Variants in SLC13A3 observed in about 807,000 individuals in gnomAD.
SLC13A3 encodes solute carrier family 13 member 3, also known as Na(+)/dicarboxylate cotransporter 3.
A neutral mutation model predicts 59.0 loss-of-function variants in SLC13A3; 40 were observed. The observed-to-expected ratio is 0.68, with a 90% CI of 0.53 to 0.88. The LOEUF (loss-of-function observed/expected upper bound fraction) is 0.88, where lower values mean the gene tolerates loss of function less well. SLC13A3 is among the 40% of genes least tolerant of loss of function. The pLI is 0.00. For missense variants in SLC13A3, 699 were observed against 783.2 expected, an observed-to-expected ratio of 0.89 and a Z score of 1.28; for synonymous variants, 317 against 330.3, an observed-to-expected ratio of 0.96 and a Z score of 0.44.
At chr20:46,601,045 G>T (rs1302052966) in intron 3 of SLC13A3, among the ~76,000 whole-genome samples, 2 of 152,062 alleles carry the variant, frequency 1.3e-5, no homozygotes. Flanking sequence ...CGGCAGTAAG[G>T]AGGTGCTTGG....
At chr20:46,680,027 T>A (rs919548058) in intron 1 of SLC13A3, among the ~76,000 whole-genome samples, 14 of 152,162 alleles carry the variant, frequency 9.2e-5, no homozygotes, top group African/African-American at 3.1e-4. Flanking sequence ...TACTCCCCCA[T>A]CTGTAAAATG....
upstream of SLC13A3, among the ~76,000 whole-genome samples, chr20:46,654,972 T>G (rs2062973927): frequency 6.6e-6 from 1 of 152,214 alleles, no homozygotes; most frequent in Admixed American, 6.5e-5. Context: ...TTTGAGCACT[T>G]GAGAAATGCT....
chr20:46,576,875 A>G (rs1267656232), intron 9 of SLC13A3, among the ~76,000 whole-genome samples: 2 of 152,216 alleles, frequency 1.3e-5, no homozygotes, highest in African/African-American at 4.8e-5. Flanking sequence ...GTCAGGAAAT[A>G]AAGATAATAA....
Position 46,647,952 on chromosome 20 carries a change from A to C in SLC13A3, c.111+3359T>G, listed in dbSNP as rs533786088. On this transcript the variant is annotated intron_variant, in intron 1 of 12. Coordinates refer to ENST00000279027, the MANE Select transcript of SLC13A3 (RefSeq NM_022829.6). The stretch of plus-strand genomic sequence containing the variant: ...CAAGTTGTTAGTGATCCATGTATAC[A>C]ATACAACCTGCATTCATGGCGCCAG... Among the ~76,000 whole-genome samples the C allele has an allele frequency of 2.0e-5, 3 of 152,358 alleles. No homozygotes were observed. The South Asian group carries it at 6.2e-4, about 32-fold the overall frequency.
At chr20:46,674,030 G>A (rs909237700), upstream of SLC13A3, among the ~76,000 whole-genome samples, 4 of 152,152 alleles carry the variant, frequency 2.6e-5, no homozygotes, top group African/African-American at 9.7e-5. Flanking sequence ...GAAATACACA[G>A]CATGTCACGT....
In SLC13A3 at chr20:46,567,019, C is replaced by A. The variant is rs6066025; in HGVS notation, c.1333-629G>T. On this transcript the variant is annotated intron_variant, in intron 10 of 12. Transcript: ENST00000279027. ...AGGAGTTCGAGACCAGGCCAGCCAA[C>A]CTGGCGAAACCCTGCCTCTACTAAA... Among the ~76,000 whole-genome samples, 104 of 152,066 alleles carry A rather than the reference C, an allele frequency of 6.8e-4. 1 individual carries two copies. The highest frequency in any genetic ancestry group is 2.3e-3 in the African/African-American group (95 of 41,490).
chr20:46,666,318 A>C (rs1009927110), intron 1 of SLC13A3, among the ~76,000 whole-genome samples: 1 of 152,166 alleles, frequency 6.6e-6, no homozygotes, highest in Admixed American at 6.5e-5. Flanking sequence ...TCACCTATAA[A>C]TCTTCCTTTG....
upstream of SLC13A3, among the ~76,000 whole-genome samples, chr20:46,655,120 T>G (rs763745386): frequency 1.8e-4 from 27 of 152,080 alleles, no homozygotes; most frequent in Non-Finnish European, 3.8e-4. Context: ...TGTCTTATGT[T>G]TTGAGAAGTT....
In SLC13A3 at chr20:46,600,326, A is replaced by G. The variant is rs956978250; in HGVS notation, c.542-289T>C. 8.4e-4 allele frequency among the ~76,000 whole-genome samples: 96 copies of G among 114,200 alleles called. 3 individuals are homozygous for G. The highest frequency in any genetic ancestry group is 1.5e-3 in the Admixed American group (16 of 10,880). The allele number at this position is 114,200 out of a possible 152,430, so 74.9% of individuals were successfully genotyped here. ...AAGAAAGAAAGAGGGAAGGAAGGAA[A>G]GGAAGGAAGGAAGGAAAGGAAAAGA... On this transcript the variant is annotated intron_variant, in intron 3 of 12. Transcript: ENST00000279027.
chr20:46,651,372 A>G lies in SLC13A3; in HGVS notation c.50T>C (p.Leu17Pro), dbSNP rs1433359659. 6 of 1,510,198 alleles carry G rather than the reference A, an allele frequency of 4.0e-6. No homozygotes were observed. The highest frequency in any genetic ancestry group is 5.3e-6 in the Non-Finnish European group (6 of 1,132,958). The allele number at this position is 1,510,198 out of a possible 1,614,324, so 93.5% of individuals were successfully genotyped here. A position where few individuals can be genotyped will look rare whatever the true frequency, so the allele number is the denominator to read the frequency against. ...GAGCGGCGTGAACAGCAGCACCAGC[A>G]GCCGCCGCGCGCTCCACACCTTCTT... Reference protein sequence around the residue: ...AAKKVWSARRLLVLLFTPLAL... With the variant: ...AAKKVWSARRPLVLLFTPLAL... Residue 17 changes from leucine (L) to proline (P), a missense_variant, in exon 1 of 13, where the codon CTG (leucine) becomes CCG (proline). Transcript: ENST00000279027.
Position 46,568,854 on chromosome 20 carries a change from G to A in SLC13A3, c.1333-2464C>T, listed in dbSNP as rs150290209. Among the ~76,000 whole-genome samples, 564 of 152,358 alleles carry A rather than the reference G, an allele frequency of 3.7e-3. 4 individuals carry two copies. Among genetic ancestry groups the A allele is most frequent in the African/African-American group, 0.012 (513 of 41,590 alleles). On this transcript the variant is annotated intron_variant, in intron 10 of 12. Coordinates refer to ENST00000279027, the MANE Select transcript of SLC13A3 (RefSeq NM_022829.6). ...GACCGGGCTTCCAGCCAGCATCCTC[G>A]CAGCCACACAGGCCTTGGCACAGCT...
chr20:46,570,468 A>T (rs2062020360), intron 10 of SLC13A3, among the ~76,000 whole-genome samples: 1 of 152,256 alleles, frequency 6.6e-6, no homozygotes, highest in Admixed American at 6.5e-5. Flanking sequence ...ATCATAACTT[A>T]GCCCAGCCTA....
intron 3 of SLC13A3, among the ~76,000 whole-genome samples, chr20:46,603,183 C>CAA (rs998276363): frequency 2.3e-5 from 3 of 132,530 alleles, no homozygotes; most frequent in Admixed American, 7.6e-5. Flanking sequence ...AATTTCGTCT[C>CAA]AAAAAAAAAA....
rs542417002 is a variant in SLC13A3 at position 46,605,911 on chromosome 20, T to C, written c.541+4535A>G. On this transcript the variant is annotated intron_variant, in intron 3 of 12. Coordinates refer to ENST00000279027, the MANE Select transcript of SLC13A3 (RefSeq NM_022829.6). ...AAAGCCCCCAAGTTAAGCAGGTTTA[T>C]ATCCATTTACTCACTTAGCACTCAT... 2.6e-5 allele frequency among the ~76,000 whole-genome samples: 4 copies of C among 152,356 alleles called. No homozygotes were observed. In the East Asian group the frequency reaches 7.7e-4, roughly 29 times the overall value.
chr20:46,625,369 G>A (rs1034103689), intron 1 of SLC13A3, among the ~76,000 whole-genome samples: 18 of 152,190 alleles, frequency 1.2e-4, no homozygotes, highest in African/African-American at 4.1e-4. Flanking sequence ...CATCTCAAGA[G>A]TGATAGGAAA....
intron 1 of SLC13A3, among the ~76,000 whole-genome samples, chr20:46,666,350 G>A (rs780892250): frequency 5.3e-5 from 8 of 152,174 alleles, no homozygotes; most frequent in Non-Finnish European, 1.0e-4. Flanking sequence ...AAAGGGTTTG[G>A]AGTCAGAAAC....
intron 1 of SLC13A3, among the ~76,000 whole-genome samples, chr20:46,648,912 C>T (rs1399195467): frequency 7.2e-6 from 1 of 138,340 alleles, no homozygotes. Context: ...CTCTCTCTCT[C>T]TCTCACACAC....
intron 1 of SLC13A3, among the ~76,000 whole-genome samples, chr20:46,616,338 A>C (rs1298220316): frequency 6.6e-6 from 1 of 152,232 alleles, no homozygotes; most frequent in Non-Finnish European, 1.5e-5. Flanking sequence ...TGAGAAAAAG[A>C]GCTGTCGATG....
Position 46,624,318 on chromosome 20 carries a change from C to T in SLC13A3, c.112-10593G>A, listed in dbSNP as rs149441585. On this transcript the variant is annotated intron_variant, in intron 1 of 12. Transcript: ENST00000279027. The stretch of plus-strand genomic sequence containing the variant: ...ACAGTCAATACCTATTGAGAATTTG[C>T]TATGTGGCAGACACTGCCCAAACAA... Among the ~76,000 whole-genome samples the T allele has an allele frequency of 1.3e-3, 191 of 152,334 alleles. 1 individual carries two copies. The highest frequency in any genetic ancestry group is 4.4e-3 in the African/African-American group (181 of 41,570).
Sources: gnomAD v4.1 joint callset for allele counts (sites outside exome capture counted in the v4.1 genomes callset) on GRCh38, gnomAD v4.1.1 for gene constraint, MANE v1.5 for transcripts, NCBI Gene and HGNC (gene_info 2026-07-23, HGNC 2026-07-21) for gene names.